MAPK4: variants seen among roughly 807,000 people sequenced by gnomAD.
MAPK4 encodes Erk3-related.
MAPK4 carries 22 observed loss-of-function variants against 47.7 expected under a neutral mutation model. The observed-to-expected ratio is 0.46, with a 90% confidence interval of 0.33 to 0.66. The LOEUF (loss-of-function observed/expected upper bound fraction) is 0.66, where lower values mean the gene tolerates loss of function less well. MAPK4 is among the 30% of genes least tolerant of loss of function. The pLI, the probability that MAPK4 is intolerant of heterozygous loss-of-function variation, is 0.02. For missense variants in MAPK4, 736 were observed against 831.7 expected (o/e 0.88, Z 1.42); for synonymous variants, 390 against 365.7 (o/e 1.07, Z -0.76).
intron 2 of MAPK4, among the ~76,000 whole-genome samples, chr18:50,686,488 T>C (rs1908887041): frequency 6.6e-6 from 1 of 152,240 alleles, no homozygotes; most frequent in Non-Finnish European, 1.5e-5. Context: ...GCGTCCTTTC[T>C]GAACAATGGA....
chr18:50,607,634 A>C (rs1257299318), intron 1 of MAPK4, among the ~76,000 whole-genome samples: 2 of 152,192 alleles, frequency 1.3e-5, no homozygotes, highest in East Asian at 3.8e-4. Context: ...ACACAGTAAG[A>C]AGGCCACGTG....
chr18:50,623,720 C>T (rs543748220), intron 1 of MAPK4, among the ~76,000 whole-genome samples: 1 of 152,366 alleles, frequency 6.6e-6, no homozygotes, highest in East Asian at 1.9e-4. Flanking sequence ...AATCAGACTA[C>T]ATCATTTCCC....
At chr18:50,576,204 G>A (rs570104121) in intron 1 of MAPK4, among the ~76,000 whole-genome samples, 4 of 152,140 alleles carry the variant, frequency 2.6e-5, no homozygotes, top group East Asian at 3.9e-4. Context: ...TATGTTCATC[G>A]CAGTACTATT....
chr18:50,657,504 T>C (rs1449247139), intron 1 of MAPK4, among the ~76,000 whole-genome samples: 2 of 152,110 alleles, frequency 1.3e-5, no homozygotes, highest in East Asian at 3.9e-4. Context: ...AAGCCGATCT[T>C]CCTCCCTATT....
chr18:50,604,387 A>G (rs2042565480), intron 1 of MAPK4, among the ~76,000 whole-genome samples: 1 of 152,236 alleles, frequency 6.6e-6, no homozygotes, highest in African/African-American at 2.4e-5. Flanking sequence ...TATATAATTT[A>G]TATAACATAT....
At chr18:50,657,034 A>T (rs1159682119) in intron 1 of MAPK4, among the ~76,000 whole-genome samples, 1 of 152,038 alleles carries the variant, frequency 6.6e-6, no homozygotes, top group Non-Finnish European at 1.5e-5. Context: ...AAGGTCCCAC[A>T]CTCCTCTGCC....
rs779393411 is a variant in MAPK4, at chr18:50,664,209, T to C, written c.251T>C (p.Leu84Pro). ...AACATCGTCAAAGTGTACGAGGTGC[T>C]CGGTCCCAAGGGCACTGACCTGCAG... ...HDNIVKVYEV[L>P]GPKGTDLQGE... Residue 84 changes from leucine (L) to proline (P), a missense_variant, in exon 2 of 6, where the codon CTC becomes CCC. Transcript: ENST00000400384. This position sits in a 1 kb window ranked among gnomAD's most constrained non-coding sequence, Gnocchi z 6.0. The C allele has an allele frequency of 6.2e-7, 1 of 1,614,058 alleles. No individual in the cohort carries two copies. The highest frequency in any genetic ancestry group is 2.2e-5 in the East Asian group (1 of 44,886).
intron 2 of MAPK4, among the ~76,000 whole-genome samples, chr18:50,707,119 A>G (rs1228692813): frequency 6.6e-6 from 1 of 152,212 alleles, no homozygotes; most frequent in East Asian, 1.9e-4. Context: ...GCCAGATGCA[A>G]AAGGACAAAG....
intron 2 of MAPK4, among the ~76,000 whole-genome samples, chr18:50,666,084 C>T (rs1045237590): frequency 1.1e-4 from 17 of 152,116 alleles, no homozygotes; most frequent in East Asian, 3.9e-4. Context: ...TGGAATAAAC[C>T]GGTACATTTG....
At chr18:50,642,368 C>G (rs1054097666) in intron 1 of MAPK4, among the ~76,000 whole-genome samples, 5 of 152,204 alleles carry the variant, frequency 3.3e-5, no homozygotes, top group African/African-American at 1.2e-4. Flanking sequence ...GGTGATGGTT[C>G]AATTGATCAT....
intron 1 of MAPK4, among the ~76,000 whole-genome samples, chr18:50,633,253 C>G (rs889835913): frequency 2.0e-5 from 3 of 152,166 alleles, no homozygotes; most frequent in Non-Finnish European, 4.4e-5. Context: ...CTGGGGAATC[C>G]CTTTTGCTGG....
chr18:50,582,603 A>G (rs1598795436), intron 1 of MAPK4, among the ~76,000 whole-genome samples: 1 of 152,324 alleles, frequency 6.6e-6, no homozygotes, highest in East Asian at 1.9e-4. Flanking sequence ...GTGCTGCTTC[A>G]CCAGCCAGAA....
chr18:50,631,484 A>C (rs987736940), intron 1 of MAPK4, among the ~76,000 whole-genome samples: 4 of 152,232 alleles, frequency 2.6e-5, no homozygotes, highest in Admixed American at 6.5e-5. Context: ...GAACATGACC[A>C]TATTAGAATG....
At chr18:50,591,450 A>G (rs2042436184) in intron 1 of MAPK4, among the ~76,000 whole-genome samples, 1 of 151,666 alleles carries the variant, frequency 6.6e-6, no homozygotes, top group Admixed American at 6.6e-5. Flanking sequence ...TTTTAGCACC[A>G]GTAAAACTGA....
chr18:50,689,447 A>T lies in MAPK4; in HGVS notation c.546+24943A>T, dbSNP rs114099181. 3.7e-3 allele frequency among the ~76,000 whole-genome samples: 557 copies of T among 151,778 alleles called. 4 individuals carry two copies. The highest frequency in any genetic ancestry group is 0.013 in the African/African-American group (525 of 41,332). ...AAAAAAAGCTATTCTGCTGCCTGGA[A>T]TTCTGATTCCTCATGCGCTGGTGTT... On this transcript the variant is annotated intron_variant, in intron 2 of 5. Transcript: ENST00000400384.
intron 1 of MAPK4, among the ~76,000 whole-genome samples, chr18:50,568,509 G>T (rs1157899352): frequency 6.6e-6 from 1 of 152,136 alleles, no homozygotes; most frequent in Non-Finnish European, 1.5e-5. Flanking sequence ...GTAAAATAAC[G>T]TAACCACAGT....
chr18:50,679,780 G>A (rs1908480164), intron 2 of MAPK4, among the ~76,000 whole-genome samples: 1 of 152,186 alleles, frequency 6.6e-6, no homozygotes. Flanking sequence ...GGAGAACAAA[G>A]CAGTTCTGTG....
At chr18:50,599,483 A>G (rs2042515507) in intron 1 of MAPK4, among the ~76,000 whole-genome samples, 1 of 152,184 alleles carries the variant, frequency 6.6e-6, no homozygotes, top group Non-Finnish European at 1.5e-5. Context: ...CAGGGGTACA[A>G]TCTCGGCTCA....
At chr18:50,723,864 CAAA>C (rs34529419) in intron 4 of MAPK4, among the ~76,000 whole-genome samples, 30 of 132,038 alleles carry the variant, frequency 2.3e-4, no homozygotes, top group Non-Finnish European at 2.3e-4. Context: ...GACCCTGTCT[CAAA>C]AAAAAAAAAA....
Sources: gnomAD v4.1 joint callset for allele counts (sites outside exome capture counted in the v4.1 genomes callset) on GRCh38, gnomAD v4.1.1 for gene constraint, Gnocchi (gnomAD v3.1) non-coding constraint, MANE v1.5 for transcripts, NCBI Gene and HGNC (gene_info 2026-07-23, HGNC 2026-07-21) for gene names.